Variants in CPZ observed in about 807,000 individuals in gnomAD.
CPZ encodes carboxypeptidase Z, also known as VEZT/CPZ fusion.
A neutral mutation model predicts 61.8 loss-of-function variants in CPZ; 103 were observed. The observed-to-expected ratio is 1.67, with a 90% CI of 1.42 to 1.96. The LOEUF is 1.96. CPZ is among the 30% of genes most tolerant of loss of function. The pLI, the probability that CPZ is intolerant of heterozygous loss-of-function variation, is 0.00. For missense variants in CPZ, 1,461 were observed against 914.9 expected, an observed-to-expected ratio of 1.60 and a Z score of -7.70; for synonymous variants, 551 against 373.7, an observed-to-expected ratio of 1.47 and a Z score of -5.47.
chr4:8,607,042 G>T, intron 6 of CPZ, 144 bp downstream of exon 6: 2 of 1,108,278 alleles, frequency 1.8e-6, no homozygotes, highest in Non-Finnish European at 2.5e-6. Context: ...TGTGAAATGG[G>T]AACACCTCCT....
chr4:8,607,998 T>C (rs987935033), intron 7 of CPZ, among the ~76,000 whole-genome samples: 9 of 152,168 alleles, frequency 5.9e-5, no homozygotes, highest in Admixed American at 1.3e-4. Flanking sequence ...AGACCCGTGA[T>C]GATGCTGGGA....
chr4:8,606,403 AGGAAAATGAT>A (rs989829852), intron 5 of CPZ, among the ~76,000 whole-genome samples: 1 of 152,100 alleles, frequency 6.6e-6, no homozygotes, highest in Admixed American at 6.6e-5. Context: ...CGTGTGATAG[AGGAAAATGAT>A]GGAAAGGGAG....
At chr4:8,616,872 T>G (rs1467335732) in intron 9 of CPZ, among the ~76,000 whole-genome samples, 1 of 152,054 alleles carries the variant, frequency 6.6e-6, no homozygotes, top group Non-Finnish European at 1.5e-5. Context: ...AGGGTGGGGG[T>G]CACGAGCCCC....
At chr4:8,603,920 A>G (rs1237587459) in intron 3 of CPZ, 56 bp from the exon 4 acceptor site, 3 of 1,478,130 alleles carry the variant, frequency 2.0e-6, no homozygotes, top group Non-Finnish European at 1.9e-6. Flanking sequence ...GTTCCCAGGC[A>G]GTGGTAGGAA....
intron 9 of CPZ, among the ~76,000 whole-genome samples, 176 bp downstream of exon 9, chr4:8,614,674 G>C (rs562779774): frequency 6.6e-6 from 1 of 152,336 alleles, no homozygotes; most frequent in African/African-American, 2.4e-5. Flanking sequence ...ACAGTAGCCG[G>C]CTCTCCTTTG....
chr4:8,606,101 C>T lies in CPZ; in HGVS notation c.822C>T (p.Pro274=). The part of the protein sequence containing the change: ...YLCSEYLLGN[P]RIQRLLNTTR... ...GCTCTGAGTACCTGCTTGGTAACCC[C>T]CGCATCCAGCGCCTGCTCAACACCA... is the stretch of plus-strand genomic sequence containing the variant. The change falls in exon 5 of 11, where the codon CCC becomes CCT. Residue 274 remains proline (P), a synonymous_variant. Transcript: ENST00000360986. The T allele has an allele frequency of 6.2e-7, 1 of 1,614,196 alleles. No individual in the cohort carries two copies. Among genetic ancestry groups the T allele is most frequent in the South Asian group, 1.1e-5 (1 of 91,078 alleles).
chr4:8,613,596 G>A (rs1715900870), intron 8 of CPZ, among the ~76,000 whole-genome samples: 1 of 152,202 alleles, frequency 6.6e-6, no homozygotes, highest in South Asian at 2.1e-4. Flanking sequence ...AGAAGGGCGT[G>A]GGCTCCCTGT....
chr4:8,603,136 C>T (rs3756168), intron 3 of CPZ: 42,421 of 152,160 alleles, frequency 0.28, 6,131 homozygotes, highest in African/African-American at 0.31. Flanking sequence ...AGAAGCAAAA[C>T]CACAGGGCAA....
At chr4:8,598,684 G>A (rs1161903723) in intron 1 of CPZ, among the ~76,000 whole-genome samples, 1 of 152,264 alleles carries the variant, frequency 6.6e-6, no homozygotes, top group African/African-American at 2.4e-5. Context: ...CGCCTTGGAT[G>A]CGTTCTCGCT....
chr4:8,599,303 C>T (rs1245448963), intron 1 of CPZ, 150 bp from the exon 2 acceptor site: 6 of 860,750 alleles, frequency 7.0e-6, no homozygotes, highest in Non-Finnish European at 1.0e-5. Context: ...GTGTCTGCCT[C>T]AGGGGCTGCT....
intron 7 of CPZ, among the ~76,000 whole-genome samples, chr4:8,609,160 T>TCATCCATTCACTCAGG (rs1715366049): frequency 7.3e-6 from 1 of 137,110 alleles, no homozygotes; most frequent in African/African-American, 3.0e-5. Flanking sequence ...ACTCCCTCAC[T>TCATCCATTCACTCAGG]CATTCACTCA....
rs781530414 is a variant in CPZ at position 8,606,750 on chromosome 4, A to G, written c.920A>G (p.Asn307Ser). 12 of 1,614,024 alleles carry G rather than the reference A, an allele frequency of 7.4e-6. No individual in the cohort carries two copies. The highest frequency in any genetic ancestry group is 9.3e-6 in the Non-Finnish European group (11 of 1,180,026). The change falls in exon 6 of 11, where the codon AAC (asparagine) becomes AGC (serine). Residue 307 changes from asparagine to serine, a missense_variant. Asn to Ser is a conservative substitution (Grantham distance 46). Coordinates refer to ENST00000360986, the MANE Select transcript of CPZ (RefSeq NM_001014447.3). ...CCATGTTTTCAGGGTGCCGGCTACA[A>G]CGGGTGGACGAGCGGGAGGCAGAAC... Reference protein sequence around the residue: ...EVAAAEGAGYNGWTSGRQNAQ... With the variant: ...EVAAAEGAGYSGWTSGRQNAQ...
At chr4:8,605,486 CCATT>C (rs1468876350) in intron 4 of CPZ, among the ~76,000 whole-genome samples, 1 of 151,892 alleles carries the variant, frequency 6.6e-6, no homozygotes, top group African/African-American at 2.4e-5. Flanking sequence ...ATCAATTTAT[CCATT>C]ATTTCATCCA....
intron 10 of CPZ, among the ~76,000 whole-genome samples, chr4:8,618,758 G>T (rs1337139340): frequency 6.6e-6 from 1 of 152,194 alleles, no homozygotes; most frequent in Non-Finnish European, 1.5e-5. Flanking sequence ...AATGATGGTG[G>T]ATGCATGCTC....
rs1560300762 is a variant in CPZ, at chr4:8,612,123, A to G, written c.1324A>G (p.Ser442Gly). Residue 442 changes from serine to glycine, a missense_variant, in exon 8 of 11, where the codon AGC (serine) becomes GGC (glycine). Ser to Gly is a moderately conservative substitution (Grantham distance 56). Transcript: ENST00000360986. Reference protein sequence around the residue: ...RCGGNFLKRGSIINGADWYSF... With the variant: ...RCGGNFLKRGGIINGADWYSF... ...TGGAGGCAATTTCCTGAAGAGGGGGAGCATCATCAACGGGGCGGACTGGTA... is the reference window on the plus strand; with the variant it reads ...TGGAGGCAATTTCCTGAAGAGGGGGGGCATCATCAACGGGGCGGACTGGTA... The G allele has an allele frequency of 6.3e-7, 1 of 1,593,336 alleles. No individual in the cohort carries two copies. Among genetic ancestry groups the G allele is most frequent in the Non-Finnish European group, 8.6e-7 (1 of 1,167,896 alleles).
chr4:8,609,876 TGA>T (rs1238597349), intron 7 of CPZ, among the ~76,000 whole-genome samples: 1 of 152,116 alleles, frequency 6.6e-6, no homozygotes, highest in East Asian at 1.9e-4. Flanking sequence ...CAGGGGAGCA[TGA>T]GAGGGGCTGG....
rs796502472 is a variant in CPZ at position 8,609,091 on chromosome 4, T to TTCAC, written c.1227+1677_1227+1680dup. ...CACTCACCACTCATACATTCACCCA[T>TTCAC]TCACTCACTCACTCCCTTCCTCACT... is the stretch of plus-strand genomic sequence containing the variant. On this transcript the variant is annotated intron_variant, in intron 7 of 10. Transcript: ENST00000360986. Among the ~76,000 whole-genome samples the TTCAC allele has an allele frequency of 5.8e-4, 23 of 39,990 alleles. No individual in the cohort carries two copies. In the South Asian group the frequency reaches 0.017, roughly 29 times the overall value. 26.2% of individuals were successfully genotyped at this position (39,990 alleles called of 152,430 possible).
In CPZ at chr4:8,618,450, G is replaced by C; in HGVS notation, c.1525G>C (p.Val509Leu). The change falls in exon 10 of 11, where the codon GTG becomes CTG. Residue 509 changes from valine (V) to leucine (L), a missense_variant. Coordinates refer to ENST00000360986, the MANE Select transcript of CPZ (RefSeq NM_001014447.3). ...VETVHRGIKG[V>L]VTDKFGKPVK... ...TCAGGTGCACCGGGGCATCAAAGGT[G>C]TGGTGACAGATAAATTCGGCAAGCC... The C allele has an allele frequency of 6.2e-7, 1 of 1,614,214 alleles. No individual in the cohort carries two copies. Among genetic ancestry groups the C allele is most frequent in the Non-Finnish European group, 8.5e-7 (1 of 1,180,028 alleles).
intron 1 of CPZ, among the ~76,000 whole-genome samples, chr4:8,594,701 C>G (rs1714049526): frequency 1.3e-5 from 2 of 152,148 alleles, no homozygotes; most frequent in South Asian, 4.1e-4. Flanking sequence ...CATCCACGCA[C>G]AGAATTTTAT....
Sources: gnomAD v4.1 joint callset for allele counts (sites outside exome capture counted in the v4.1 genomes callset) on GRCh38, gnomAD v4.1.1 for gene constraint, MANE v1.5 for transcripts, NCBI Gene and HGNC (gene_info 2026-07-23, HGNC 2026-07-21) for gene names.